The following HK2 variants were observed in gnomAD, a reference collection of about 807,000 sequenced individuals.
HK2 encodes hexokinase-2.
A neutral mutation model predicts 92.9 loss-of-function variants in HK2; 42 were observed. The observed-to-expected ratio is 0.45, with a 90% CI of 0.35 to 0.58. The LOEUF is 0.58. Among genes scored for constraint, HK2 ranks in the 20% least tolerant of loss-of-function variants. The probability of loss-of-function intolerance (pLI) is 0.00; values close to 1 mark genes in which losing one functional copy is unlikely to be tolerated. For synonymous variants in HK2, 422 were observed against 468.0 expected (o/e 0.90, Z 1.27); for missense variants, 978 against 1,245.1 (o/e 0.79, Z 3.23).
At chr2:74,875,199 C>G (rs1573381955) in intron 7 of HK2, among the ~76,000 whole-genome samples, 1 of 152,212 alleles carries the variant, frequency 6.6e-6, no homozygotes, top group East Asian at 1.9e-4. Context: ...ATATTTTGAG[C>G]AATACAGATC....
intron 4 of HK2, 94 bp downstream of exon 4, chr2:74,872,513 G>A: frequency 7.3e-7 from 1 of 1,376,152 alleles, no homozygotes; most frequent in Non-Finnish European, 1.0e-6. Flanking sequence ...GGTGGTGGTA[G>A]CACTGGAGGA....
Position 74,867,982 on chromosome 2 carries a change from A to G in HK2, c.375+198A>G, listed in dbSNP as rs558900916. Reference sequence around the variant, plus strand: ...TGTATTTTATACCCAACATGTACTCAGTATTAAAAGGAGTGACTAGAGAAG... The same window carrying G: ...TGTATTTTATACCCAACATGTACTCGGTATTAAAAGGAGTGACTAGAGAAG... On this transcript the variant is annotated intron_variant, in intron 3 of 17. Coordinates refer to ENST00000290573, the MANE Select transcript of HK2 (RefSeq NM_000189.5). 29 of 553,906 alleles carry G rather than the reference A, an allele frequency of 5.2e-5. No homozygotes were observed. The Admixed American group carries it at 7.1e-4, about 14-fold the overall frequency. 34.3% of individuals were successfully genotyped at this position (553,906 alleles called of 1,614,324 possible).
At chr2:74,868,827 A>G (rs1689025658) in intron 3 of HK2, among the ~76,000 whole-genome samples, 1 of 152,202 alleles carries the variant, frequency 6.6e-6, no homozygotes, top group Admixed American at 6.5e-5. Flanking sequence ...CGTGATGGTG[A>G]CTTGTTAGGT....
At chr2:74,878,493 G>T (rs532583931) in intron 8 of HK2, among the ~76,000 whole-genome samples, 195 bp from the exon 9 acceptor site, 1 of 152,210 alleles carries the variant, frequency 6.6e-6, no homozygotes, top group Admixed American at 6.5e-5. Context: ...GAGCCTCAGG[G>T]TGGCTGTGCT....
chr2:74,879,622 C>T (rs1573386171), intron 9 of HK2, among the ~76,000 whole-genome samples: 2 of 152,100 alleles, frequency 1.3e-5, no homozygotes, highest in Non-Finnish European at 2.9e-5. Context: ...TCTGAGATCC[C>T]GCATCTCTAA....
intron 10 of HK2, 77 bp from the exon 11 acceptor site, chr2:74,881,634 G>T: frequency 7.0e-7 from 1 of 1,422,102 alleles, no homozygotes; most frequent in Non-Finnish European, 9.9e-7. Context: ...TGGTGTATTT[G>T]GATCGTTTTA....
Position 74,880,513 on chromosome 2 carries a change from C to T in HK2, c.1514C>T (p.Ala505Val), listed in dbSNP as rs1451003263. Residue 505 changes from alanine (A) to valine (V), a missense_variant, in exon 10 of 18, where the codon GCC (alanine) becomes GTC (valine). Around this residue, in one of 3 missense-constraint regions of HK2, gnomAD observed 742 missense variants for 922.5 expected, o/e 0.80. Coordinates refer to ENST00000290573, the MANE Select transcript of HK2 (RefSeq NM_000189.5). Reference sequence around the variant, plus strand: ...CGAGGTCTGAGCAAGGAGACTCATGCCAGTGCCCCCGTCAAGATGCTGCCC... The same window carrying T: ...CGAGGTCTGAGCAAGGAGACTCATGTCAGTGCCCCCGTCAAGATGCTGCCC... ...MERGLSKETHASAPVKMLPTY... is the reference protein window; with the variant it reads ...MERGLSKETHVSAPVKMLPTY... The T allele has an allele frequency of 1.2e-6, 2 of 1,614,170 alleles. No homozygotes were observed. The highest frequency in any genetic ancestry group is 1.1e-5 in the South Asian group (1 of 91,082).
chr2:74,861,653 A>T (rs775026783), intron 2 of HK2, among the ~76,000 whole-genome samples: 5 of 152,224 alleles, frequency 3.3e-5, no homozygotes, highest in Admixed American at 6.5e-5. Context: ...CTCCACGGCC[A>T]TAAGATTCAC....
chr2:74,834,669 G>A lies in HK2; in HGVS notation c.63+26G>A, dbSNP rs750820791. 1.6e-5 allele frequency: 25 copies of A among 1,612,734 alleles called. No individual in the cohort carries two copies. Among genetic ancestry groups the A allele is most frequent in the Non-Finnish European group, 2.0e-5 (24 of 1,179,076 alleles). ...GTAAGTCAGCGCGGGCGGGGCGGCAGGCTGGGCTCTGGCAAAGTGGTCTGG... is the reference window on the plus strand; with the variant it reads ...GTAAGTCAGCGCGGGCGGGGCGGCAAGCTGGGCTCTGGCAAAGTGGTCTGG... On this transcript the variant is annotated intron_variant, in intron 1 of 17. Transcript: ENST00000290573. This position sits in a 1 kb window ranked among gnomAD's most constrained non-coding sequence, Gnocchi z 4.2.
rs1689116504 is a variant in HK2, at chr2:74,872,309, C to T, written c.385C>T (p.His129Tyr). 1 of 1,613,836 alleles carries T rather than the reference C, an allele frequency of 6.2e-7. No individual in the cohort carries two copies. The highest frequency in any genetic ancestry group is 8.5e-7 in the Non-Finnish European group (1 of 1,179,914). ...MRGSGTQLFD[H>Y]IAECLANFMD... ...TGTCATGTATCCTTAGCTGTTTGAC[C>T]ACATTGCCGAATGCCTGGCTAACTT... The change falls in exon 4 of 18, where the codon CAC becomes TAC. Residue 129 changes from histidine (H) to tyrosine (Y), a missense_variant. Coordinates refer to ENST00000290573, the MANE Select transcript of HK2 (RefSeq NM_000189.5).
At chr2:74,883,073 T>C (rs559618349) in intron 12 of HK2, among the ~76,000 whole-genome samples, 5 of 152,272 alleles carry the variant, frequency 3.3e-5, no homozygotes, top group East Asian at 1.9e-4. Flanking sequence ...TAGGCAGTGC[T>C]GGATCTGCTG....
chr2:74,840,350 G>A (rs74556650), intron 1 of HK2, among the ~76,000 whole-genome samples: 25,156 of 151,606 alleles, frequency 0.17, 2,512 homozygotes, highest in Middle Eastern at 0.24. Context: ...TTTCCAAGGG[G>A]GGAATCAGAG....
intron 12 of HK2, among the ~76,000 whole-genome samples, chr2:74,882,572 A>G (rs979629543): frequency 1.6e-4 from 17 of 109,200 alleles, no homozygotes; most frequent in Admixed American, 1.2e-3. Flanking sequence ...AGACTAGCCT[A>G]GGCAACATAG....
intron 2 of HK2, among the ~76,000 whole-genome samples, chr2:74,856,390 C>T (rs1688696629): frequency 6.6e-6 from 1 of 152,040 alleles, no homozygotes; most frequent in Admixed American, 6.6e-5. Flanking sequence ...GTTTCTTGGC[C>T]CTTCAAAGAG....
intron 15 of HK2, 115 bp from the exon 16 acceptor site, chr2:74,887,788 G>A: frequency 1.1e-6 from 1 of 901,318 alleles, no homozygotes; most frequent in East Asian, 2.4e-5. Context: ...CCCATCAGGG[G>A]AGTCTGCCTG....
rs887629534 is a variant in HK2 at position 74,886,384 on chromosome 2, C to T, written c.2026C>T (p.Leu676Phe). Reference sequence around the variant, plus strand: ...TGAAGACCCTCACTGTGAAGTTGGCCTCATTGTTGGTAAGGACCCAGACTG... The same window carrying T: ...TGAAGACCCTCACTGTGAAGTTGGCTTCATTGTTGGTAAGGACCCAGACTG... ...GFEDPHCEVG[L>F]IVGTGSNACY... The change falls in exon 14 of 18, where the codon CTC (leucine) becomes TTC (phenylalanine). Residue 676 changes from leucine to phenylalanine, a missense_variant. Transcript: ENST00000290573. The T allele has an allele frequency of 1.9e-6, 3 of 1,614,088 alleles. No individual in the cohort carries two copies. Among genetic ancestry groups the T allele is most frequent in the African/African-American group, 1.3e-5 (1 of 75,012 alleles).
In HK2 at chr2:74,878,933, T is replaced by C. The variant is rs1279131011; in HGVS notation, c.1265+12T>C. 1 of 1,545,600 alleles carries C rather than the reference T, an allele frequency of 6.5e-7. No homozygotes were observed. The highest frequency in any genetic ancestry group is 1.7e-4 in the Middle Eastern group (1 of 5,978). Reference sequence around the variant, plus strand: ...AAGAAACACCCCCAGTGAGTCAGTGTGCAGGGCCTGGAGATGCGGAGTTCC... The same window carrying C: ...AAGAAACACCCCCAGTGAGTCAGTGCGCAGGGCCTGGAGATGCGGAGTTCC... On this transcript the variant is annotated intron_variant, in intron 9 of 17. Coordinates refer to ENST00000290573, the MANE Select transcript of HK2 (RefSeq NM_000189.5).
intron 2 of HK2, among the ~76,000 whole-genome samples, chr2:74,857,544 G>T (rs1688723136): frequency 6.6e-6 from 1 of 152,154 alleles, no homozygotes; most frequent in African/African-American, 2.4e-5. Context: ...AGGAGGCCGA[G>T]GCAGAGAGAA....
rs368353026 is a variant in HK2, at chr2:74,880,297, G to A, written c.1298G>A (p.Arg433Gln). 27 of 1,614,046 alleles carry A rather than the reference G, an allele frequency of 1.7e-5. No individual in the cohort carries two copies. Among genetic ancestry groups the A allele is most frequent in the African/African-American group, 2.7e-5 (2 of 74,938 alleles). Residue 433 changes from arginine to glutamine, a missense_variant, in exon 10 of 18, where the codon CGG (arginine) becomes CAG (glutamine). By Grantham distance (43) the Arg-to-Gln change is conservative (BLOSUM62 1). Coordinates refer to ENST00000290573, the MANE Select transcript of HK2 (RefSeq NM_000189.5). ...AAGCGTCTACATAAGACCGTGCGGC[G>A]GCTGGTGCCCGGCTGCGATGTCCGC... Reference protein sequence around the residue: ...FAKRLHKTVRRLVPGCDVRFL... With the variant: ...FAKRLHKTVRQLVPGCDVRFL...
Sources: gnomAD v4.1 joint callset for allele counts (sites outside exome capture counted in the v4.1 genomes callset) on GRCh38, gnomAD v4.1.1 for gene constraint, gnomAD v4.1.1 regional missense constraint, Gnocchi (gnomAD v3.1) non-coding constraint, MANE v1.5 for transcripts, NCBI Gene and HGNC (gene_info 2026-07-23, HGNC 2026-07-21) for gene names.